The following ZNF44 variants were observed in gnomAD, a reference collection of about 807,000 sequenced individuals.
The protein encoded by ZNF44 is zinc finger protein 44.
Under a neutral mutation model 11.7 loss-of-function variants are expected in ZNF44, and 9 were observed. The observed-to-expected ratio is 0.77, with a 90% CI of 0.46 to 1.35. The LOEUF (loss-of-function observed/expected upper bound fraction) is 1.35. Ranked by LOEUF, ZNF44 falls within the 40% of genes most tolerant of loss-of-function variation. The pLI is 0.00. For synonymous variants in ZNF44, 224 were observed against 242.7 expected (o/e 0.92, Z 0.72); for missense variants, 696 against 743.1 (o/e 0.94, Z 0.74).
At chr19:12,284,298 A>G (rs1011939383) in intron 1 of ZNF44, 2 of 451,982 alleles carry the variant, frequency 4.4e-6, no homozygotes, top group Non-Finnish European at 8.2e-6. Context: ...TAAAAGATAA[A>G]TATTAAAAGG....
chr19:12,240,044 G>A (rs1445944755), upstream of ZNF44, among the ~76,000 whole-genome samples: 4 of 152,076 alleles, frequency 2.6e-5, no homozygotes, highest in African/African-American at 4.8e-5. Flanking sequence ...CAAATAAATC[G>A]CAAGTAATCC....
Position 12,294,677 on chromosome 19 carries a change from G to T in ZNF44, c.3+15C>A. 6.4e-7 allele frequency: 1 copy of T among 1,560,058 alleles called. No individual in the cohort carries two copies. On this transcript the variant is annotated intron_variant, in intron 1 of 3. Transcript: ENST00000355684. ...CCTTCGCCCTGCCTCAGGACGCCGGGCCCCGCACACTCACCATTTCCCGGC... is the reference window on the plus strand; with the variant it reads ...CCTTCGCCCTGCCTCAGGACGCCGGTCCCCGCACACTCACCATTTCCCGGC...
Position 12,292,865 on chromosome 19 carries a change from T to TTTG in ZNF44, c.3+1826_3+1827insCAA, listed in dbSNP as rs532709591. On this transcript the variant is annotated intron_variant, in intron 1 of 3. Transcript: ENST00000355684. ...TGTCCCAGAGGTTAGGTTTTTTTTT[T>TTTG]TTTTTTTTTTTTTTTGAGACAGAGT... Among the ~76,000 whole-genome samples, 34 of 121,446 alleles carry TTTG rather than the reference T, an allele frequency of 2.8e-4. 1 individual carries two copies. The highest frequency in any genetic ancestry group is 1.3e-3 in the African/African-American group (33 of 25,884). 79.7% of individuals were successfully genotyped at this position (121,446 alleles called of 152,430 possible).
At chr19:12,271,718 G>A (rs1199336197), downstream of ZNF44, 2 of 152,186 alleles carry the variant, frequency 1.3e-5, no homozygotes, top group Non-Finnish European at 2.9e-5. Context: ...TATATACGAT[G>A]TAGATAGGCC....
chr19:12,247,620 G>A (rs1026756218), downstream of ZNF44: 5 of 1,335,518 alleles, frequency 3.7e-6, no homozygotes, highest in African/African-American at 6.0e-5. Context: ...CTGTTTCTTT[G>A]CAGTGTGCAT....
At chr19:12,248,520 G>T in exon 8 of ZNF44, 1 of 1,290,884 alleles carries the variant, frequency 7.7e-7, no homozygotes, top group Non-Finnish European at 1.0e-6. Context: ...CCTGTTAAGG[G>T]ATGAATGATG....
intron 2 of ZNF44, among the ~76,000 whole-genome samples, chr19:12,233,075 A>G (rs1916227705): frequency 6.6e-6 from 1 of 152,176 alleles, no homozygotes; most frequent in Non-Finnish European, 1.5e-5. Flanking sequence ...ATGACCATAA[A>G]CCACAAATAA....
At chr19:12,290,497 T>C (rs911492231) in intron 1 of ZNF44, among the ~76,000 whole-genome samples, 2 of 147,526 alleles carry the variant, frequency 1.4e-5, no homozygotes, top group Non-Finnish European at 3.0e-5. Flanking sequence ...GGTCAGGAGT[T>C]GAGACCAGCC....
intron 5 of ZNF44, among the ~76,000 whole-genome samples, chr19:12,266,559 GAC>G: frequency 6.6e-6 from 1 of 152,308 alleles, no homozygotes; most frequent in African/African-American, 2.4e-5. Flanking sequence ...TGGGGTGGGG[GAC>G]ACAGTGCAGA....
At chr19:12,252,623 T>A (rs1228281487) in intron 5 of ZNF44, among the ~76,000 whole-genome samples, 1 of 152,096 alleles carries the variant, frequency 6.6e-6, no homozygotes, top group Non-Finnish European at 1.5e-5. Context: ...GAATTGGGAA[T>A]ACTCTATTAT....
chr19:12,263,708 G>A (rs8110523), intron 5 of ZNF44, among the ~76,000 whole-genome samples: 64,519 of 151,404 alleles, frequency 0.43, 16,276 homozygotes, highest in African/African-American at 0.72. Flanking sequence ...GGCGGATCAC[G>A]AGGTCAGGAG....
intron 2 of ZNF44, among the ~76,000 whole-genome samples, chr19:12,232,592 T>G (rs1346250949): frequency 6.6e-6 from 1 of 152,210 alleles, no homozygotes; most frequent in Middle Eastern, 3.2e-3. Context: ...AAGCACATCT[T>G]GCACCCCCCT....
intron 5 of ZNF44, among the ~76,000 whole-genome samples, chr19:12,256,164 C>T (rs188113474): frequency 2.6e-4 from 40 of 152,074 alleles, no homozygotes; most frequent in Non-Finnish European, 4.0e-4. Flanking sequence ...GTGGGCCAAC[C>T]CGCAAGTCAC....
At chr19:12,240,337 C>G (rs1434919975), upstream of ZNF44, among the ~76,000 whole-genome samples, 1 of 150,438 alleles carries the variant, frequency 6.6e-6, no homozygotes, top group African/African-American at 2.5e-5. Flanking sequence ...TCCAGCTACT[C>G]AGGAGGCTGA....
intron 2 of ZNF44, among the ~76,000 whole-genome samples, chr19:12,232,956 A>G (rs1223247701): frequency 6.6e-6 from 1 of 151,708 alleles, no homozygotes; most frequent in Admixed American, 6.6e-5. Flanking sequence ...ATGAAGAAGA[A>G]ATTGACAGAG....
intron 1 of ZNF44, among the ~76,000 whole-genome samples, chr19:12,236,918 C>T (rs1916411666): frequency 6.6e-6 from 1 of 152,136 alleles, no homozygotes; most frequent in South Asian, 2.1e-4. Context: ...CCAAATAAGG[C>T]GACTTATAAC....
chr19:12,250,919 T>C, intron 5 of ZNF44: 1 of 413,282 alleles, frequency 2.4e-6, no homozygotes, highest in Non-Finnish European at 4.9e-6. Flanking sequence ...GCCAATTCAA[T>C]CAAAATATTT....
downstream of ZNF44, among the ~76,000 whole-genome samples, chr19:12,246,058 T>C (rs913798973): frequency 2.0e-5 from 3 of 152,222 alleles, no homozygotes; most frequent in Non-Finnish European, 2.9e-5. Context: ...TTTGTCCCTA[T>C]GCATCTGTCT....
chr19:12,247,850 T>A (rs766760302), exon 8 of ZNF44: 1 of 1,304,658 alleles, frequency 7.7e-7, no homozygotes, highest in Non-Finnish European at 1.0e-6. Context: ...TCCCACACAG[T>A]TTACATTCAT....
Sources: allele counts gnomAD v4.1 joint callset (sites outside exome capture counted in the v4.1 genomes callset), GRCh38; gene constraint gnomAD v4.1.1; transcripts MANE v1.5; gene names NCBI Gene and HGNC (gene_info 2026-07-23, HGNC 2026-07-21).